The following ADGRL3 variants were observed in gnomAD, a reference collection of about 807,000 sequenced individuals.
The protein encoded by ADGRL3 is adhesion G protein-coupled receptor L3.
ADGRL3 carries 62 observed loss-of-function variants against 153.5 expected under a neutral mutation model. That is an observed-to-expected ratio of 0.40 (90% confidence interval 0.33 to 0.50). The LOEUF is 0.50. Among genes scored for constraint, ADGRL3 ranks in the 20% least tolerant of loss-of-function variants. ADGRL3 has a pLI of 0.47. For synonymous variants in ADGRL3, 710 were observed against 672.5 expected, an observed-to-expected ratio of 1.06 and a Z score of -0.86; for missense variants, 1,641 against 1,859.4, an observed-to-expected ratio of 0.88 and a Z score of 2.16.
At chr4:61,271,762 G>A (rs564682098) in intron 1 of ADGRL3, among the ~76,000 whole-genome samples, 50 of 152,108 alleles carry the variant, frequency 3.3e-4, no homozygotes, top group Non-Finnish European at 3.1e-4. Context: ...AACTTTGGAA[G>A]AGGTGGATAT....
At chr4:61,471,491 A>G (rs1045738159) in intron 2 of ADGRL3, among the ~76,000 whole-genome samples, 2 of 151,876 alleles carry the variant, frequency 1.3e-5, no homozygotes, top group African/African-American at 4.8e-5. Flanking sequence ...AGTATATCAT[A>G]GTGACATTCT....
At chr4:61,256,367 G>A (rs2091967865) in intron 1 of ADGRL3, among the ~76,000 whole-genome samples, 1 of 152,064 alleles carries the variant, frequency 6.6e-6, no homozygotes. Flanking sequence ...AGCAGCATTT[G>A]TTGGATAATT....
At chr4:61,391,946 G>A (rs1476029366) in intron 2 of ADGRL3, among the ~76,000 whole-genome samples, 13 of 133,850 alleles carry the variant, frequency 9.7e-5, no homozygotes, top group South Asian at 2.6e-4. Context: ...TGCAAGCTCC[G>A]CCTCCCAGGT....
chr4:62,022,362 A>G (rs2099242034), intron 21 of ADGRL3, among the ~76,000 whole-genome samples: 2 of 152,184 alleles, frequency 1.3e-5, no homozygotes, highest in Non-Finnish European at 1.5e-5. Context: ...AGCCAGCTCC[A>G]TAACATGGAA....
intron 1 of ADGRL3, among the ~76,000 whole-genome samples, chr4:61,248,845 T>C (rs73214533): frequency 0.14 from 21,547 of 152,192 alleles, 1,816 homozygotes; most frequent in East Asian, 0.27. Flanking sequence ...TAAATCTGCT[T>C]TAGGAGAGAG....
rs544434458 is a variant in ADGRL3, at chr4:61,693,139, A to G, written c.583+16204A>G. On this transcript the variant is annotated intron_variant, in intron 6 of 26. Coordinates refer to ENST00000683033, the MANE Select transcript of ADGRL3 (RefSeq NM_001387552.1). ...ATTATTATTGGCTTTGTAAGGCTTA[A>G]TGATCTCCACTTTGTGAAAAGAAAA... Among the ~76,000 whole-genome samples, 10 of 152,236 alleles carry G rather than the reference A, an allele frequency of 6.6e-5. No homozygotes were observed. The South Asian group carries it at 8.3e-4, about 13-fold the overall frequency.
rs1052162658 is a variant in ADGRL3, at chr4:62,075,660, A to C, written c.*4752A>C. On this transcript the variant is annotated 3_prime_UTR_variant, in exon 27 of 27. Transcript: ENST00000683033. The stretch of plus-strand genomic sequence containing the variant: ...AAGTAACGTTTTCAATATAGCTTAT[A>C]TTAGATTTCTGCACATCATTAAATT... 1 of 152,106 alleles carries C rather than the reference A, an allele frequency of 6.6e-6. No individual in the cohort carries two copies. Among genetic ancestry groups the C allele is most frequent in the Admixed American group, 6.5e-5 (1 of 15,276 alleles). 9.4% of individuals were successfully genotyped at this position (152,106 alleles called of 1,614,324 possible).
chr4:61,570,549 A>G (rs893295123), intron 4 of ADGRL3, among the ~76,000 whole-genome samples: 1 of 152,118 alleles, frequency 6.6e-6, no homozygotes, highest in African/African-American at 2.4e-5. Context: ...AAAGATATCA[A>G]TGCCTCATCT....
At chr4:61,759,363 G>A (rs1427713302) in intron 8 of ADGRL3, among the ~76,000 whole-genome samples, 1 of 152,080 alleles carries the variant, frequency 6.6e-6, no homozygotes, top group Admixed American at 6.5e-5. Context: ...TGGAGGCTTT[G>A]TTCATTTCTT....
At chr4:61,643,016 T>G (rs985327113) in intron 5 of ADGRL3, among the ~76,000 whole-genome samples, 4 of 152,300 alleles carry the variant, frequency 2.6e-5, no homozygotes, top group African/African-American at 9.6e-5. Context: ...CCCTTGTAAG[T>G]TGGATTCCTA....
chr4:62,031,526 A>G lies in ADGRL3; in HGVS notation c.3507A>G (p.Thr1169=), dbSNP rs1480412491. ...AFGLMYINES[T]VIMAYLFTIF... is the part of the protein sequence containing the mutation. The stretch of plus-strand genomic sequence containing the variant: ...GACTCATGTATATTAATGAAAGCAC[A>G]GTCATCATGGCCTATCTCTTCACCA... The change falls in exon 23 of 27, where the codon ACA becomes ACG. Residue 1169 remains threonine (T), a synonymous_variant. Coordinates refer to ENST00000683033, the MANE Select transcript of ADGRL3 (RefSeq NM_001387552.1). 6.2e-7 allele frequency: 1 copy of G among 1,610,482 alleles called. No homozygotes were observed. The highest frequency in any genetic ancestry group is 2.2e-5 in the East Asian group (1 of 44,746).
chr4:61,527,727 A>G (rs1263132278), intron 4 of ADGRL3, among the ~76,000 whole-genome samples: 1 of 152,126 alleles, frequency 6.6e-6, no homozygotes, highest in Non-Finnish European at 1.5e-5. Context: ...TTTGTTTTTA[A>G]TGCTATGAAA....
chr4:61,343,820 C>A (rs2095851084), intron 1 of ADGRL3, among the ~76,000 whole-genome samples: 1 of 152,118 alleles, frequency 6.6e-6, no homozygotes, highest in Admixed American at 6.6e-5. Flanking sequence ...AGCTTTTCAC[C>A]CTTAATTCAT....
chr4:61,932,043 A>G (rs1041237952), intron 13 of ADGRL3, among the ~76,000 whole-genome samples: 1 of 152,040 alleles, frequency 6.6e-6, no homozygotes, highest in African/African-American at 2.4e-5. Context: ...TCATATATAT[A>G]TACACATACA....
rs372209011 is a variant in ADGRL3 at position 61,881,213 on chromosome 4, C to T, written c.1481-11443C>T. Among the ~76,000 whole-genome samples the T allele has an allele frequency of 9.9e-5, 15 of 152,018 alleles. No homozygotes were observed. In the East Asian group the frequency reaches 2.3e-3, roughly 24 times the overall value. On this transcript the variant is annotated intron_variant, in intron 9 of 26. Coordinates refer to ENST00000683033, the MANE Select transcript of ADGRL3 (RefSeq NM_001387552.1). ...TTACATTTTATCTGTTTATTAGAAACGAACAGATATAACAAAGATGAATGC... is the reference window on the plus strand; with the variant it reads ...TTACATTTTATCTGTTTATTAGAAATGAACAGATATAACAAAGATGAATGC...
chr4:61,228,966 A>C (rs529111403), intron 1 of ADGRL3, among the ~76,000 whole-genome samples: 1 of 152,314 alleles, frequency 6.6e-6, no homozygotes, highest in East Asian at 1.9e-4. Flanking sequence ...TGCTGGAATT[A>C]CAGGCGTGAG....
chr4:61,772,889 T>A (rs539100830), intron 8 of ADGRL3, among the ~76,000 whole-genome samples: 1 of 152,282 alleles, frequency 6.6e-6, no homozygotes, highest in African/African-American at 2.4e-5. Flanking sequence ...AAAACCCATG[T>A]TTTCCTACCT....
intron 4 of ADGRL3, among the ~76,000 whole-genome samples, chr4:61,571,213 G>A (rs2098837136): frequency 6.6e-6 from 1 of 151,998 alleles, no homozygotes; most frequent in Non-Finnish European, 1.5e-5. Flanking sequence ...AGTGGCTCAT[G>A]CTCATAATCT....
intron 5 of ADGRL3, among the ~76,000 whole-genome samples, chr4:61,598,636 G>A (rs768040862): frequency 1.3e-5 from 2 of 152,114 alleles, no homozygotes; most frequent in Non-Finnish European, 2.9e-5. Flanking sequence ...TGGCATCCAT[G>A]TGAACACACA....
Sources: gnomAD v4.1 joint callset for allele counts (sites outside exome capture counted in the v4.1 genomes callset) on GRCh38, gnomAD v4.1.1 for gene constraint, MANE v1.5 for transcripts, NCBI Gene and HGNC (gene_info 2026-07-23, HGNC 2026-07-21) for gene names.